Variants in MAN2A1 observed in about 807,000 individuals in gnomAD.
The protein encoded by MAN2A1 is alpha-mannosidase 2.
In MAN2A1, 76 loss-of-function variants were observed where a neutral mutation model predicts 142.6. That is an observed-to-expected ratio of 0.53 (90% confidence interval 0.44 to 0.65). The LOEUF is 0.65. Ranked by LOEUF, MAN2A1 falls within the 30% of genes least tolerant of loss-of-function variation. The probability of loss-of-function intolerance (pLI) is 0.00; values close to 1 mark genes in which losing one functional copy is unlikely to be tolerated. For synonymous variants in MAN2A1, 559 were observed against 473.2 expected (o/e 1.18, Z -2.35); for missense variants, 1,311 against 1,365.1 (o/e 0.96, Z 0.62).
chr5:109,764,761 A>T (rs577998663), intron 5 of MAN2A1, among the ~76,000 whole-genome samples: 1 of 152,234 alleles, frequency 6.6e-6, no homozygotes, highest in East Asian at 1.9e-4. Flanking sequence ...CTTTGACATC[A>T]CTGCAGTGTT....
intron 10 of MAN2A1, among the ~76,000 whole-genome samples, chr5:109,785,600 C>T (rs1469167415): frequency 6.6e-6 from 1 of 152,014 alleles, no homozygotes; most frequent in Non-Finnish European, 1.5e-5. Flanking sequence ...TCTGAGATAA[C>T]AGAGGACTTG....
Position 109,865,040 on chromosome 5 carries a change from G to A in MAN2A1, c.3176G>A (p.Gly1059Asp), listed in dbSNP as rs1341790961. ...CTGCATTCTGCTCATTTGCAGGTGG[G>A]CAATGGGCACTCCAATGAGGCAGCC... is the stretch of plus-strand genomic sequence containing the variant. ...VNLRTIQSKVGNGHSNEAALI... is the reference protein window; with the variant it reads ...VNLRTIQSKVDNGHSNEAALI... The change falls in exon 21 of 22, where the codon GGC becomes GAC. Residue 1059 changes from glycine (G) to aspartate (D), a missense_variant. This residue lies in a region of MAN2A1 where 890 missense variants were observed against 920.5 expected (regional missense o/e 0.97). Coordinates refer to ENST00000261483, the MANE Select transcript of MAN2A1 (RefSeq NM_002372.4). The A allele has an allele frequency of 2.5e-6, 4 of 1,612,012 alleles. No individual in the cohort carries two copies. Among genetic ancestry groups the A allele is most frequent in the Non-Finnish European group, 3.4e-6 (4 of 1,178,142 alleles).
chr5:109,695,914 T>TACA lies in MAN2A1; in HGVS notation c.135+5362_135+5363insACA, dbSNP rs1750798497. ...AATTCAGACAGGTTTGAGGATTAAT[T>TACA]GTACTGAAATGGAGCTCACATCTAG... On this transcript the variant is annotated intron_variant, in intron 1 of 21. Transcript: ENST00000261483. Among the ~76,000 whole-genome samples, 6 of 152,186 alleles carry TACA rather than the reference T, an allele frequency of 3.9e-5. No individual in the cohort carries two copies. The South Asian group carries it at 1.0e-3, about 26-fold the overall frequency.
rs1056499465 is a variant in MAN2A1, at chr5:109,847,652, G to A, written c.2843-5G>A. 5.2e-6 allele frequency: 8 copies of A among 1,527,400 alleles called. No individual in the cohort carries two copies. Among genetic ancestry groups the A allele is most frequent in the Non-Finnish European group, 6.1e-6 (7 of 1,138,532 alleles). 94.6% of individuals were successfully genotyped at this position (1,527,400 alleles called of 1,614,324 possible). On this transcript the variant is annotated splice_polypyrimidine_tract_variant and splice_region_variant and intron_variant, in intron 18 of 21. Transcript: ENST00000261483. The stretch of plus-strand genomic sequence containing the variant: ...GTTTTGCTTGTTTGTTTGTTTGTGT[G>A]TTAGGTCAGATTGAAGTTATCATGG...
intron 3 of MAN2A1, among the ~76,000 whole-genome samples, chr5:109,725,932 C>T (rs528434027): frequency 6.6e-6 from 1 of 151,924 alleles, no homozygotes; most frequent in African/African-American, 2.4e-5. Flanking sequence ...ATAGTGGTAT[C>T]GAATTTGGGT....
At chr5:109,777,420 G>A (rs1753324404) in intron 8 of MAN2A1, among the ~76,000 whole-genome samples, 1 of 151,810 alleles carries the variant, frequency 6.6e-6, no homozygotes, top group African/African-American at 2.4e-5. Context: ...AATTGGGGTT[G>A]TCTTTTTCTT....
intron 4 of MAN2A1, among the ~76,000 whole-genome samples, chr5:109,751,770 TTTA>T (rs1219786116): frequency 2.6e-5 from 4 of 152,110 alleles, no homozygotes; most frequent in South Asian, 2.1e-4. Context: ...TAAATTCAGA[TTTA>T]TTATTTTTGT....
rs141062575 is a variant in MAN2A1 at position 109,721,140 on chromosome 5, A to G, written c.535+4876A>G. Among the ~76,000 whole-genome samples the G allele has an allele frequency of 3.3e-3, 502 of 152,314 alleles. 2 individuals carry two copies. Among genetic ancestry groups the G allele is most frequent in the African/African-American group, 0.011 (464 of 41,566 alleles). On this transcript the variant is annotated intron_variant, in intron 3 of 21. Coordinates refer to ENST00000261483, the MANE Select transcript of MAN2A1 (RefSeq NM_002372.4). ...TTAACAGGTGAGGGCAGCGAGGCTA[A>G]GTTAGGGTAATTTGTTCAAAGTCAG...
At chr5:109,704,059 T>C (rs910555216) in intron 1 of MAN2A1, among the ~76,000 whole-genome samples, 1 of 152,146 alleles carries the variant, frequency 6.6e-6, no homozygotes, top group Non-Finnish European at 1.5e-5. Context: ...GGGAATGAGA[T>C]GCTATTATTT....
intron 12 of MAN2A1, among the ~76,000 whole-genome samples, chr5:109,810,445 TG>T (rs1754285810): frequency 6.6e-6 from 1 of 152,200 alleles, no homozygotes; most frequent in Non-Finnish European, 1.5e-5. Context: ...CCCTATCCCC[TG>T]GTGGGTTCTG....
chr5:109,864,051 T>C (rs1755820317), intron 20 of MAN2A1: 1 of 152,166 alleles, frequency 6.6e-6, no homozygotes, highest in African/African-American at 2.4e-5. Flanking sequence ...AGGAAAGATG[T>C]CTCTTTAGTA....
chr5:109,769,846 C>T (rs2112649720), intron 6 of MAN2A1, among the ~76,000 whole-genome samples: 1 of 152,310 alleles, frequency 6.6e-6, no homozygotes, highest in Non-Finnish European at 1.5e-5. Context: ...AGGAAATTTT[C>T]TCCAAGAGTG....
chr5:109,819,449 A>G (rs964027577), intron 13 of MAN2A1, among the ~76,000 whole-genome samples: 1 of 152,194 alleles, frequency 6.6e-6, no homozygotes, highest in Non-Finnish European at 1.5e-5. Context: ...TTATTATACT[A>G]TAGTTTTTAT....
chr5:109,707,784 C>G (rs931733635), intron 1 of MAN2A1, among the ~76,000 whole-genome samples: 27 of 152,120 alleles, frequency 1.8e-4, no homozygotes, highest in African/African-American at 6.3e-4. Flanking sequence ...GATATTCAGT[C>G]CTTACTGACT....
At chr5:109,779,801 T>C (rs971071998) in intron 8 of MAN2A1, among the ~76,000 whole-genome samples, 4 of 152,206 alleles carry the variant, frequency 2.6e-5, no homozygotes, top group African/African-American at 9.6e-5. Flanking sequence ...GATCACTCTC[T>C]GTTTGGTGAA....
At chr5:109,703,443 C>T (rs1751044455) in intron 1 of MAN2A1, among the ~76,000 whole-genome samples, 1 of 152,182 alleles carries the variant, frequency 6.6e-6, no homozygotes, top group Admixed American at 6.5e-5. Context: ...CAACATGACC[C>T]TGTTTAGCTA....
At chr5:109,812,309 A>T (rs192211408) in intron 12 of MAN2A1, among the ~76,000 whole-genome samples, 149 of 152,236 alleles carry the variant, frequency 9.8e-4, no homozygotes, top group Non-Finnish European at 1.8e-3. Context: ...AGAGCCCAGG[A>T]ATCACACAAT....
At chr5:109,721,178 T>C (rs1428465121) in intron 3 of MAN2A1, among the ~76,000 whole-genome samples, 1 of 152,216 alleles carries the variant, frequency 6.6e-6, no homozygotes, top group Non-Finnish European at 1.5e-5. Context: ...AATTTAATTA[T>C]AAATTCTCAG....
chr5:109,792,989 C>T (rs977215263), intron 12 of MAN2A1, among the ~76,000 whole-genome samples: 1 of 152,036 alleles, frequency 6.6e-6, no homozygotes. Context: ...ATTTTCATTA[C>T]ATTCTATTGG....
Sources: gnomAD v4.1 joint callset for allele counts (sites outside exome capture counted in the v4.1 genomes callset) on GRCh38, gnomAD v4.1.1 for gene constraint, gnomAD v4.1.1 regional missense constraint, MANE v1.5 for transcripts, NCBI Gene and HGNC (gene_info 2026-07-23, HGNC 2026-07-21) for gene names.